Variants in GSAP observed in about 807,000 individuals in gnomAD.
GSAP encodes the protein gamma-secretase-activating protein.
A neutral mutation model predicts 131.7 loss-of-function variants in GSAP; 118 were observed. The observed-to-expected ratio is 0.90, with a 90% CI of 0.77 to 1.04. GSAP has a LOEUF of 1.04. GSAP is among the 50% of genes least tolerant of loss of function. GSAP has a pLI of 0.00. For synonymous variants in GSAP, 381 were observed against 363.4 expected (o/e 1.05, Z -0.55); for missense variants, 1,019 against 1,013.2 (o/e 1.01, Z -0.08).
chr7:77,322,591 T>G (rs796344312), intron 24 of GSAP, among the ~76,000 whole-genome samples: 1 of 134,856 alleles, frequency 7.4e-6, no homozygotes, highest in Non-Finnish European at 1.7e-5. Context: ...AGTTTTTTTT[T>G]TTTTTTTTTT....
chr7:77,414,770 G>A (rs1219564606), intron 1 of GSAP, among the ~76,000 whole-genome samples: 1 of 148,894 alleles, frequency 6.7e-6, no homozygotes, highest in Non-Finnish European at 1.5e-5. Context: ...AGGAGTACTT[G>A]GTAGTAGAAG....
upstream of GSAP, chr7:77,416,535 G>A: frequency 2.5e-6 from 1 of 398,000 alleles, no homozygotes; most frequent in Non-Finnish European, 4.5e-6. Flanking sequence ...CCGGAGCCGG[G>A]CACGGCGGGT....
Position 77,320,779 on chromosome 7 carries a change from T to C in GSAP, c.2035A>G (p.Ile679Val), listed in dbSNP as rs1214898748. 1 of 1,612,516 alleles carries C rather than the reference T, an allele frequency of 6.2e-7. No homozygotes were observed. The highest frequency in any genetic ancestry group is 2.2e-5 in the East Asian group (1 of 44,882). Reference sequence around the variant, plus strand: ...GTAGCTTCCAGAATCCTGGTCATGATGTGAAAAACTGCAAATTCAGCAGCA... The same window carrying C: ...GTAGCTTCCAGAATCCTGGTCATGACGTGAAAAACTGCAAATTCAGCAGCA... ...GSAAEFAVFH[I>V]MTRILEATNS... is the part of the protein sequence containing the mutation. Residue 679 changes from isoleucine (I) to valine (V), a missense_variant, in exon 26 of 31, where the codon ATC becomes GTC. Physicochemically the swap from Ile to Val is conservative, Grantham distance 29. Transcript: ENST00000257626.
At chr7:77,326,815 T>C (rs1243782259) in intron 22 of GSAP, 2 of 152,270 alleles carry the variant, frequency 1.3e-5, no homozygotes, top group Non-Finnish European at 2.9e-5. Flanking sequence ...AATGGTACCT[T>C]CTCCACCATG....
At position 77,355,291 on chromosome 7, in the gene GSAP, A is replaced by C. The variant is rs1034418650; in HGVS notation, c.1260T>G (p.Thr420=). 6.2e-7 allele frequency: 1 copy of C among 1,614,054 alleles called. No homozygotes were observed. The highest frequency in any genetic ancestry group is 8.5e-7 in the Non-Finnish European group (1 of 1,179,952). Residue 420 remains threonine, a synonymous_variant, in exon 16 of 31, where the codon ACT becomes ACG. Transcript: ENST00000257626. Reference sequence around the variant, plus strand: ...CAGCCATCTTCTCACAGTCTAAGCAAGTGTTCTGCAGAAGCTGTAATAAAG... The same window carrying C: ...CAGCCATCTTCTCACAGTCTAAGCACGTGTTCTGCAGAAGCTGTAATAAAG... ...QSSLLQLLQN[T]CLDCEKMAAL...
intron 2 of GSAP, among the ~76,000 whole-genome samples, chr7:77,404,852 C>G (rs901355329): frequency 6.6e-6 from 1 of 152,074 alleles, no homozygotes; most frequent in African/African-American, 2.4e-5. Context: ...TAGGACTGAG[C>G]ATGGTGGGCG....
intron 5 of GSAP, among the ~76,000 whole-genome samples, chr7:77,388,750 C>G (rs1584675985): frequency 6.6e-6 from 1 of 152,214 alleles, no homozygotes; most frequent in African/African-American, 2.4e-5. Flanking sequence ...CCTGAGAGCA[C>G]TGCTTTATTT....
At chr7:77,338,103 T>G (rs1033625116) in intron 19 of GSAP, among the ~76,000 whole-genome samples, 5 of 152,184 alleles carry the variant, frequency 3.3e-5, no homozygotes, top group African/African-American at 1.2e-4. Context: ...AGGTCGAGGC[T>G]GCAGTGAGCC....
At chr7:77,387,269 G>T in intron 6 of GSAP, 91 bp downstream of exon 6, 1 of 723,700 alleles carries the variant, frequency 1.4e-6, no homozygotes. Flanking sequence ...GATTAAATAT[G>T]ATAGAGTGAA....
chr7:77,352,291 T>C (rs1352239935), intron 18 of GSAP, among the ~76,000 whole-genome samples: 3 of 152,264 alleles, frequency 2.0e-5, no homozygotes, highest in Non-Finnish European at 2.9e-5. Flanking sequence ...GTAGTTCTAA[T>C]ATCTAAATAA....
intron 8 of GSAP, among the ~76,000 whole-genome samples, chr7:77,380,888 A>G (rs768494534): frequency 2.0e-4 from 31 of 152,348 alleles, no homozygotes; most frequent in Non-Finnish European, 3.2e-4. Context: ...TCTCTATTTT[A>G]GTAACCCATA....
intron 5 of GSAP, among the ~76,000 whole-genome samples, chr7:77,390,398 T>C (rs1295201367): frequency 6.6e-6 from 1 of 152,178 alleles, no homozygotes; most frequent in Non-Finnish European, 1.5e-5. Context: ...GGTTTTCTTC[T>C]AGGGTTTTTA....
At chr7:77,392,154 G>A (rs1447319123) in intron 5 of GSAP, among the ~76,000 whole-genome samples, 5 of 151,768 alleles carry the variant, frequency 3.3e-5, no homozygotes, top group Non-Finnish European at 7.4e-5. Context: ...CCTGGGAGGC[G>A]GAGGTTACAG....
At chr7:77,404,186 A>G (rs55961211) in intron 3 of GSAP, among the ~76,000 whole-genome samples, 17,353 of 152,246 alleles carry the variant, frequency 0.11, 1,054 homozygotes, top group African/African-American at 0.13. Flanking sequence ...CAAATGCCAT[A>G]AACTTAAGAA....
intron 21 of GSAP, among the ~76,000 whole-genome samples, chr7:77,329,032 CCTA>C (rs1788709908): frequency 6.6e-6 from 1 of 151,944 alleles, no homozygotes; most frequent in Non-Finnish European, 1.5e-5. Flanking sequence ...AAAAAATCAA[CCTA>C]CTATTTGCCT....
At chr7:77,380,893 C>A (rs78351372) in intron 8 of GSAP, among the ~76,000 whole-genome samples, 2 of 151,968 alleles carry the variant, frequency 1.3e-5, no homozygotes, top group Admixed American at 6.6e-5. Context: ...ATTTTAGTAA[C>A]CCATAGGGAT....
intron 1 of GSAP, among the ~76,000 whole-genome samples, chr7:77,406,577 A>C (rs918091632): frequency 6.6e-6 from 1 of 152,248 alleles, no homozygotes; most frequent in Non-Finnish European, 1.5e-5. Context: ...AATTAAAACA[A>C]GATTAAAAAG....
Position 77,380,766 on chromosome 7 carries a change from T to C in GSAP, c.576+539A>G, listed in dbSNP as rs1191604699. 2.0e-5 allele frequency among the ~76,000 whole-genome samples: 3 copies of C among 152,034 alleles called. No homozygotes were observed. In the East Asian group the frequency reaches 5.8e-4, roughly 29 times the overall value. Reference sequence around the variant, plus strand: ...AAAAAATTATACTCTATGAAACCCATATATGGCATGATACATAGTATGATT... The same window carrying C: ...AAAAAATTATACTCTATGAAACCCACATATGGCATGATACATAGTATGATT... On this transcript the variant is annotated intron_variant, in intron 8 of 30. Coordinates refer to ENST00000257626, the MANE Select transcript of GSAP (RefSeq NM_017439.4).
chr7:77,409,591 C>G (rs1233564143), intron 1 of GSAP, among the ~76,000 whole-genome samples: 3 of 152,156 alleles, frequency 2.0e-5, no homozygotes, highest in Non-Finnish European at 4.4e-5. Flanking sequence ...TTGTAGACAT[C>G]TAAAGAGAAT....
Sources: gnomAD v4.1 joint callset for allele counts (sites outside exome capture counted in the v4.1 genomes callset) on GRCh38, gnomAD v4.1.1 for gene constraint, MANE v1.5 for transcripts, NCBI Gene and HGNC (gene_info 2026-07-23, HGNC 2026-07-21) for gene names.